The following PRRC2C variants were observed in gnomAD, a reference collection of about 807,000 sequenced individuals.
PRRC2C encodes protein PRRC2C.
PRRC2C carries 72 observed loss-of-function variants against 317.2 expected under a neutral mutation model. The observed-to-expected ratio is 0.23, with a 90% CI of 0.19 to 0.28. The LOEUF is 0.28. Among genes scored for constraint, PRRC2C ranks in the 10% least tolerant of loss-of-function variants. The pLI, the probability that PRRC2C is intolerant of heterozygous loss-of-function variation, is 1.00. For missense variants in PRRC2C, 3,074 were observed against 3,459.7 expected (o/e 0.89, Z 2.80); for synonymous variants, 1,296 against 1,205.9 (o/e 1.07, Z -1.55).
chr1:171,526,359 A>T (rs1033765981), intron 10 of PRRC2C, among the ~76,000 whole-genome samples: 2 of 152,172 alleles, frequency 1.3e-5, no homozygotes, highest in African/African-American at 2.4e-5. Flanking sequence ...CCCTCTTGAG[A>T]CAGAGCCTTG....
intron 19 of PRRC2C, among the ~76,000 whole-genome samples, chr1:171,560,680 G>C (rs765157858): frequency 6.6e-6 from 1 of 152,086 alleles, no homozygotes. Flanking sequence ...AAATTAAAAA[G>C]TATACATCTT....
At chr1:171,589,770 A>G (rs561569621) in intron 34 of PRRC2C, among the ~76,000 whole-genome samples, 165 bp downstream of exon 34, 1 of 147,472 alleles carries the variant, frequency 6.8e-6, no homozygotes, top group Non-Finnish European at 1.5e-5. Context: ...TTTTTCCCCC[A>G]TTCCCATTCC....
chr1:171,513,736 T>A (rs1056540616), intron 3 of PRRC2C, among the ~76,000 whole-genome samples: 78 of 151,936 alleles, frequency 5.1e-4, no homozygotes, highest in South Asian at 8.3e-4. Flanking sequence ...AGTGGTAATT[T>A]AAAAAAAATA....
chr1:171,530,587 A>G lies in PRRC2C; in HGVS notation c.1255-1756A>G, dbSNP rs114640541. Among the ~76,000 whole-genome samples the G allele has an allele frequency of 3.3e-3, 502 of 152,030 alleles. 5 individuals carry two copies. Among genetic ancestry groups the G allele is most frequent in the African/African-American group, 0.011 (475 of 41,482 alleles). ...TTTTTTTTTAATATCTTACAACTCA[A>G]TAATACGTAGTTAAACAAAAAGACT... On this transcript the variant is annotated intron_variant, in intron 11 of 34. Coordinates refer to ENST00000647382, the MANE Select transcript of PRRC2C (RefSeq NM_001387844.1).
intron 10 of PRRC2C, among the ~76,000 whole-genome samples, chr1:171,526,199 C>T (rs1436216848): frequency 6.6e-6 from 1 of 151,996 alleles, no homozygotes; most frequent in Non-Finnish European, 1.5e-5. Flanking sequence ...TTTAGATTTT[C>T]TTTTTTTAAG....
At chr1:171,513,590 G>A (rs1671773901) in intron 3 of PRRC2C, 2 of 355,028 alleles carry the variant, frequency 5.6e-6, no homozygotes, top group Admixed American at 7.2e-5. Context: ...GTAATAATTT[G>A]TATATACTGT....
intron 30 of PRRC2C, among the ~76,000 whole-genome samples, chr1:171,585,738 T>C (rs1314297849): frequency 6.6e-6 from 1 of 152,226 alleles, no homozygotes; most frequent in Non-Finnish European, 1.5e-5. Flanking sequence ...GTTTCTATTC[T>C]CTTCACTACA....
Position 171,593,136 on chromosome 1 carries a change from CCT to C in PRRC2C, c.*1290_*1291del, listed in dbSNP as rs1651737826. The C allele has an allele frequency of 6.6e-6, 1 of 151,610 alleles. No homozygotes were observed. Among genetic ancestry groups the C allele is most frequent in the South Asian group, 2.1e-4 (1 of 4,804 alleles). The allele number at this position is 151,610 out of a possible 1,614,324, so 9.4% of individuals were successfully genotyped here. ...GGTTTTGTTTTTTACCTTTTTCCCCCCTTTTTTTTAAATGGAGTGTGCTGGAT... is the reference window on the plus strand; with the variant it reads ...GGTTTTGTTTTTTACCTTTTTCCCCCTTTTTTTAAATGGAGTGTGCTGGAT... On this transcript the variant is annotated 3_prime_UTR_variant, in exon 35 of 35. Coordinates refer to ENST00000647382, the MANE Select transcript of PRRC2C (RefSeq NM_001387844.1).
chr1:171,558,841 G>A (rs955195494), intron 19 of PRRC2C, among the ~76,000 whole-genome samples: 2 of 152,180 alleles, frequency 1.3e-5, no homozygotes, highest in Admixed American at 1.3e-4. Context: ...AGCTGGGAAC[G>A]ACTAAGCTTA....
rs1425709711 is a variant in PRRC2C at position 171,542,198 on chromosome 1, A to G, written c.4732A>G (p.Ser1578Gly). The G allele has an allele frequency of 6.3e-7, 1 of 1,577,026 alleles. No homozygotes were observed. The highest frequency in any genetic ancestry group is 8.6e-7 in the Non-Finnish European group (1 of 1,164,720). Residue 1578 changes from serine to glycine, a missense_variant, in exon 16 of 35, where the codon AGT (serine) becomes GGT (glycine). Ser to Gly is a moderately conservative substitution (Grantham distance 56). Around this residue, in one of 11 missense-constraint regions of PRRC2C, gnomAD observed 178 missense variants for 163.0 expected, o/e 1.09. Coordinates refer to ENST00000647382, the MANE Select transcript of PRRC2C (RefSeq NM_001387844.1). Reference sequence around the variant, plus strand: ...CTCAGGTCCTAGAAATGAAAGGAGAAGTGGCCCACCATCAAAAAGTGGGAA... The same window carrying G: ...CTCAGGTCCTAGAAATGAAAGGAGAGGTGGCCCACCATCAAAAAGTGGGAA... ...NFSGPRNERR[S>G]GPPSKSGKRG...
chr1:171,569,664 A>G (rs1684395047), intron 23 of PRRC2C, among the ~76,000 whole-genome samples: 1 of 147,212 alleles, frequency 6.8e-6, no homozygotes, highest in South Asian at 2.2e-4. Context: ...GAAGGAGGAA[A>G]AGACTTCCTT....
At chr1:171,488,439 A>T (rs1666521632) in intron 1 of PRRC2C, among the ~76,000 whole-genome samples, 1 of 152,250 alleles carries the variant, frequency 6.6e-6, no homozygotes, top group South Asian at 2.1e-4. Context: ...AATCTCATCG[A>T]TGCATGAGCC....
At chr1:171,510,229 G>T (rs539891706) in intron 1 of PRRC2C, 1 of 152,296 alleles carries the variant, frequency 6.6e-6, no homozygotes, top group South Asian at 2.1e-4. Flanking sequence ...TTGGTTTGGA[G>T]ATTTGCTCCT....
chr1:171,581,477 G>A (rs1444578819), intron 28 of PRRC2C, among the ~76,000 whole-genome samples: 1 of 152,078 alleles, frequency 6.6e-6, no homozygotes, highest in African/African-American at 2.4e-5. Flanking sequence ...TAATTGTCTT[G>A]GAAGATATAC....
intron 1 of PRRC2C, among the ~76,000 whole-genome samples, chr1:171,505,720 G>A (rs1670052279): frequency 6.6e-6 from 1 of 151,948 alleles, no homozygotes; most frequent in African/African-American, 2.4e-5. Context: ...TATTTATTGA[G>A]GTTTTTGTTT....
intron 1 of PRRC2C, among the ~76,000 whole-genome samples, chr1:171,486,659 T>G (rs1354536525): frequency 6.6e-6 from 1 of 152,134 alleles, no homozygotes; most frequent in African/African-American, 2.4e-5. Flanking sequence ...TCAGCCTGGG[T>G]TCATAGATTC....
At chr1:171,536,420 A>C in intron 14 of PRRC2C, 142 bp downstream of exon 14, 1 of 969,144 alleles carries the variant, frequency 1.0e-6, no homozygotes, top group Non-Finnish European at 1.5e-6. Context: ...TTCAGCATCG[A>C]GTAATTAAAT....
chr1:171,526,673 C>T (rs958344246), intron 10 of PRRC2C, among the ~76,000 whole-genome samples: 1 of 151,834 alleles, frequency 6.6e-6, no homozygotes, highest in African/African-American at 2.4e-5. Flanking sequence ...AAGATTCTAA[C>T]CTTACTGAAA....
chr1:171,490,973 T>A (rs1667041869), intron 1 of PRRC2C, among the ~76,000 whole-genome samples: 1 of 152,218 alleles, frequency 6.6e-6, no homozygotes, highest in African/African-American at 2.4e-5. Context: ...ATAATATCCA[T>A]TTCCCCTATC....
Sources: allele counts gnomAD v4.1 joint callset (sites outside exome capture counted in the v4.1 genomes callset), GRCh38; gene constraint gnomAD v4.1.1; regional missense constraint gnomAD v4.1.1; transcripts MANE v1.5; gene names NCBI Gene and HGNC (gene_info 2026-07-23, HGNC 2026-07-21).